The following WDFY2 variants were observed in gnomAD, a reference collection of about 807,000 sequenced individuals.
WDFY2 encodes the protein WD repeat and FYVE domain-containing protein 2.
WDFY2 carries 36 observed loss-of-function variants against 56.4 expected under a neutral mutation model. The observed-to-expected ratio is 0.64, with a 90% confidence interval of 0.49 to 0.84. WDFY2 has a LOEUF of 0.84. Among genes scored for constraint, WDFY2 ranks in the 40% least tolerant of loss-of-function variants. The pLI is 0.00. For synonymous variants in WDFY2, 176 were observed against 183.7 expected, an observed-to-expected ratio of 0.96 and a Z score of 0.34; for missense variants, 444 against 512.2, an observed-to-expected ratio of 0.87 and a Z score of 1.29.
intron 1 of WDFY2, among the ~76,000 whole-genome samples, chr13:51,617,578 A>G (rs1470285898): frequency 6.6e-6 from 1 of 152,146 alleles, no homozygotes; most frequent in South Asian, 2.1e-4. Flanking sequence ...ACTGTCCTCA[A>G]GGACTCAACT....
intron 1 of WDFY2, among the ~76,000 whole-genome samples, chr13:51,602,716 G>C (rs1392578771): frequency 2.0e-5 from 3 of 152,196 alleles, no homozygotes; most frequent in African/African-American, 7.2e-5. Flanking sequence ...AGCAATTGTA[G>C]TTTTTTAGCT....
intron 8 of WDFY2, 172 bp downstream of exon 8, chr13:51,751,587 T>C: frequency 1.6e-6 from 1 of 637,794 alleles, no homozygotes; most frequent in South Asian, 1.6e-5. Context: ...CAAGTTGGCA[T>C]GTAACATTAC....
intron 5 of WDFY2, among the ~76,000 whole-genome samples, chr13:51,722,880 C>T (rs796545501): frequency 6.6e-6 from 1 of 152,348 alleles, no homozygotes; most frequent in African/African-American, 2.4e-5. Flanking sequence ...TATCCAGCGT[C>T]ATTTGTCAGT....
intron 1 of WDFY2, chr13:51,586,651 T>C (rs916948362): frequency 6.6e-6 from 1 of 152,186 alleles, no homozygotes; most frequent in Non-Finnish European, 1.5e-5. Flanking sequence ...TTGGAGACGC[T>C]GAAGTAGTGT....
chr13:51,713,152 C>G (rs1048815226), intron 4 of WDFY2, among the ~76,000 whole-genome samples: 1 of 152,126 alleles, frequency 6.6e-6, no homozygotes, highest in African/African-American at 2.4e-5. Flanking sequence ...CTTGTCAAAA[C>G]TAGACCAAAA....
intron 4 of WDFY2, among the ~76,000 whole-genome samples, chr13:51,706,343 T>C (rs965362700): frequency 3.3e-5 from 5 of 152,198 alleles, no homozygotes; most frequent in African/African-American, 1.2e-4. Context: ...TGCAGCTGTC[T>C]TGGGGAGATG....
chr13:51,734,074 G>A (rs2138672604), intron 6 of WDFY2, among the ~76,000 whole-genome samples: 1 of 152,192 alleles, frequency 6.6e-6, no homozygotes, highest in Non-Finnish European at 1.5e-5. Flanking sequence ...GCCTCATGTT[G>A]GCCTGCACAT....
At chr13:51,641,825 C>CAAAAA (rs750489541) in intron 1 of WDFY2, among the ~76,000 whole-genome samples, 53 of 37,382 alleles carry the variant, frequency 1.4e-3, no homozygotes, top group Non-Finnish European at 2.2e-3. Context: ...GACTCCGTCT[C>CAAAAA]AAAAAAAAAA....
chr13:51,692,327 G>A (rs1025792281), intron 3 of WDFY2, among the ~76,000 whole-genome samples: 15 of 152,140 alleles, frequency 9.9e-5, no homozygotes, highest in African/African-American at 3.4e-4. Flanking sequence ...ATTGGCTGTA[G>A]GTTTGTCATA....
At chr13:51,716,692 CAAAAAAA>C in intron 4 of WDFY2, among the ~76,000 whole-genome samples, 1 of 55,136 alleles carries the variant, frequency 1.8e-5, no homozygotes, top group African/African-American at 6.7e-5. Context: ...GACTCCGTCT[CAAAAAAA>C]AAAAAAAAAA....
chr13:51,657,197 C>G (rs1348046233), intron 1 of WDFY2, among the ~76,000 whole-genome samples: 1 of 152,048 alleles, frequency 6.6e-6, no homozygotes, highest in Non-Finnish European at 1.5e-5. Context: ...TACATTAACT[C>G]TGCTCCTAGT....
At chr13:51,739,283 A>G in intron 7 of WDFY2, 108 bp downstream of exon 7, 1 of 1,313,210 alleles carries the variant, frequency 7.6e-7, no homozygotes. Context: ...ATGGGAAGGA[A>G]CATGGCGGGA....
intron 1 of WDFY2, among the ~76,000 whole-genome samples, chr13:51,657,081 G>A (rs778329955): frequency 1.3e-4 from 19 of 151,670 alleles, no homozygotes; most frequent in East Asian, 3.9e-4. Context: ...CTTCTTCTAC[G>A]TTTGATTTTT....
chr13:51,587,388 C>T (rs993280095), intron 1 of WDFY2: 9 of 152,178 alleles, frequency 5.9e-5, no homozygotes, highest in African/African-American at 1.9e-4. Flanking sequence ...CCTCAATACA[C>T]GTTTGTTGTA....
At chr13:51,695,982 G>T (rs768377406) in intron 3 of WDFY2, among the ~76,000 whole-genome samples, 4 of 152,230 alleles carry the variant, frequency 2.6e-5, no homozygotes, top group African/African-American at 4.8e-5. Flanking sequence ...CTCCGAGCCA[G>T]GTGCGGGATA....
At chr13:51,733,163 G>C (rs1172767429) in intron 6 of WDFY2, among the ~76,000 whole-genome samples, 1 of 152,148 alleles carries the variant, frequency 6.6e-6, no homozygotes, top group African/African-American at 2.4e-5. Context: ...AGCCTCCTGA[G>C]TAGCTGGGAT....
At chr13:51,660,076 A>G (rs890892325) in intron 1 of WDFY2, among the ~76,000 whole-genome samples, 6 of 152,236 alleles carry the variant, frequency 3.9e-5, no homozygotes, top group African/African-American at 1.4e-4. Flanking sequence ...AGTTATATAT[A>G]ATTCTGAATA....
intron 2 of WDFY2, among the ~76,000 whole-genome samples, chr13:51,673,776 A>G (rs1378991092): frequency 1.3e-5 from 2 of 152,008 alleles, no homozygotes; most frequent in Non-Finnish European, 2.9e-5. Context: ...ATATCATTTG[A>G]TTGCTGTTTT....
At chr13:51,645,183 T>G (rs1955241682) in intron 1 of WDFY2, among the ~76,000 whole-genome samples, 1 of 152,080 alleles carries the variant, frequency 6.6e-6, no homozygotes, top group Non-Finnish European at 1.5e-5. Context: ...AACTACATCC[T>G]GTTGCTCAAA....
Sources: allele counts gnomAD v4.1 joint callset (sites outside exome capture counted in the v4.1 genomes callset), GRCh38; gene constraint gnomAD v4.1.1; transcripts MANE v1.5; gene names NCBI Gene and HGNC (gene_info 2026-07-23, HGNC 2026-07-21).